Variants in SLC26A5 observed in about 807,000 individuals in gnomAD.
The protein encoded by SLC26A5 is solute carrier family 26 member 5, also known as prestin.
SLC26A5 carries 51 observed loss-of-function variants against 81.0 expected under a neutral mutation model. The ratio of observed to expected loss-of-function variants is 0.63; its 90% confidence interval spans 0.50 to 0.80. SLC26A5 has a LOEUF of 0.80. Ranked by LOEUF, SLC26A5 falls within the 30% of genes least tolerant of loss-of-function variation. The probability of loss-of-function intolerance (pLI) is 0.00; values close to 1 mark genes in which losing one functional copy is unlikely to be tolerated. For synonymous variants in SLC26A5, 325 were observed against 332.8 expected, an observed-to-expected ratio of 0.98 and a Z score of 0.25; for missense variants, 771 against 905.8, an observed-to-expected ratio of 0.85 and a Z score of 1.91.
chr7:103,434,156 G>A (rs1826280898), intron 2 of SLC26A5, among the ~76,000 whole-genome samples: 1 of 152,130 alleles, frequency 6.6e-6, no homozygotes, highest in Non-Finnish European at 1.5e-5. Flanking sequence ...AACTGCTTTA[G>A]AAAAGGTACT....
intron 14 of SLC26A5, among the ~76,000 whole-genome samples, chr7:103,382,651 C>T (rs964195324): frequency 6.6e-6 from 1 of 152,058 alleles, no homozygotes; most frequent in Admixed American, 6.6e-5. Flanking sequence ...ACTGTGCCTG[C>T]CCCTAATTCC....
chr7:103,420,343 C>T (rs560048975), intron 4 of SLC26A5, among the ~76,000 whole-genome samples: 20 of 147,124 alleles, frequency 1.4e-4, no homozygotes, highest in East Asian at 1.0e-3. Context: ...TCTCCCAGGC[C>T]GGAGTGAAGT....
chr7:103,392,813 A>G (rs1822773093), intron 10 of SLC26A5, 106 bp downstream of exon 10: 1 of 1,397,266 alleles, frequency 7.2e-7, no homozygotes, highest in South Asian at 1.2e-5. Flanking sequence ...TCCTGACCTC[A>G]TGATCCGCCT....
intron 4 of SLC26A5, among the ~76,000 whole-genome samples, chr7:103,417,953 G>T (rs1029620074): frequency 3.3e-5 from 5 of 152,144 alleles, no homozygotes; most frequent in African/African-American, 1.2e-4. Context: ...CACCATGTTG[G>T]TCAGTCTTGA....
rs772447046 is a variant in SLC26A5 at position 103,411,455 on chromosome 7, C to T, written c.535G>A (p.Ala179Thr). 8.7e-6 allele frequency: 14 copies of T among 1,614,120 alleles called. No homozygotes were observed. Among genetic ancestry groups the T allele is most frequent in the East Asian group, 2.2e-5 (1 of 44,882 alleles). ...CCTGAAAGTAAGGTCACAGACATGG[C>T]GACTTTCACTCTCAAGGCATCTCTG... The part of the protein sequence containing the change: ...EARDALRVKV[A>T]MSVTLLSGII... The change falls in exon 6 of 20, where the codon GCC becomes ACC. Residue 179 changes from alanine (A) to threonine (T), a missense_variant. By Grantham distance (58) the Ala-to-Thr change is moderately conservative (BLOSUM62 0). Coordinates refer to ENST00000306312, the MANE Select transcript of SLC26A5 (RefSeq NM_198999.3).
intron 19 of SLC26A5, chr7:103,362,384 G>C (rs1820462076): frequency 7.5e-7 from 1 of 1,336,514 alleles, no homozygotes; most frequent in Admixed American, 3.6e-5. Flanking sequence ...CTTGCTTTAG[G>C]ATAGTTGTGA....
At chr7:103,393,128 G>A in intron 9 of SLC26A5, 62 bp from the exon 10 acceptor site, 1 of 1,592,726 alleles carries the variant, frequency 6.3e-7, no homozygotes, top group Non-Finnish European at 8.6e-7. Context: ...AAAAAACCTT[G>A]CGACTGCAGG....
downstream of SLC26A5, among the ~76,000 whole-genome samples, chr7:103,372,321 C>T (rs1435186426): frequency 6.6e-6 from 1 of 152,178 alleles, no homozygotes; most frequent in Non-Finnish European, 1.5e-5. Flanking sequence ...TGCAAGTAGG[C>T]CATGCTAACA....
chr7:103,378,876 C>A (rs62482413), intron 16 of SLC26A5, among the ~76,000 whole-genome samples: 1 of 151,894 alleles, frequency 6.6e-6, no homozygotes, highest in Admixed American at 6.6e-5. Flanking sequence ...CTATATACAG[C>A]GTGGTGTAGG....
chr7:103,393,453 G>A (rs1283231033), intron 9 of SLC26A5, among the ~76,000 whole-genome samples: 3 of 152,110 alleles, frequency 2.0e-5, no homozygotes, highest in South Asian at 4.1e-4. Context: ...GGGGTGGGGA[G>A]GAGAGTAGTC....
chr7:103,374,283 G>A lies in SLC26A5; in HGVS notation c.*116C>T, dbSNP rs1821181120. On this transcript the variant is annotated 3_prime_UTR_variant, in exon 20 of 20. Coordinates refer to ENST00000306312, the MANE Select transcript of SLC26A5 (RefSeq NM_198999.3). ...AGGCGTCATTCACCCTCCAAATCAA[G>A]CCTGGACTACTAGTATTCACCCTTA... is the stretch of plus-strand genomic sequence containing the variant. 1.3e-6 allele frequency: 2 copies of A among 1,521,244 alleles called. No individual in the cohort carries two copies. The highest frequency in any genetic ancestry group is 2.5e-5 in the South Asian group (2 of 79,690). 94.2% of individuals were successfully genotyped at this position (1,521,244 alleles called of 1,614,324 possible).
chr7:103,379,480 G>T, intron 15 of SLC26A5, 145 bp from the exon 16 acceptor site: 4 of 252,322 alleles, frequency 1.6e-5, no homozygotes, highest in Non-Finnish European at 2.1e-5. Context: ...GTCACACACA[G>T]ACCAAAAAAA....
intron 2 of SLC26A5, among the ~76,000 whole-genome samples, chr7:103,441,534 A>G (rs944433455): frequency 6.6e-6 from 1 of 152,168 alleles, no homozygotes; most frequent in Non-Finnish European, 1.5e-5. Flanking sequence ...TGTGAGGATC[A>G]TTTTTTATCT....
intron 19 of SLC26A5, among the ~76,000 whole-genome samples, chr7:103,356,876 A>T (rs1360091594): frequency 2.0e-5 from 3 of 152,204 alleles, no homozygotes; most frequent in African/African-American, 7.2e-5. Flanking sequence ...TCCTCTGTTT[A>T]TAATCCTTTT....
At chr7:103,372,033 AC>A (rs1821074906), downstream of SLC26A5, among the ~76,000 whole-genome samples, 1 of 152,178 alleles carries the variant, frequency 6.6e-6, no homozygotes, top group Non-Finnish European at 1.5e-5. Flanking sequence ...CTTAAATTCT[AC>A]TTAAATGGCT....
intron 19 of SLC26A5, 112 bp from the exon 20 acceptor site, chr7:103,374,704 T>TA: frequency 1.8e-6 from 2 of 1,113,436 alleles, no homozygotes; most frequent in Non-Finnish European, 2.5e-6. Flanking sequence ...GTTTTTTGTT[T>TA]CTTTTTTTTT....
At chr7:103,412,555 T>TTG (rs1824579247) in intron 5 of SLC26A5, among the ~76,000 whole-genome samples, 1 of 147,174 alleles carries the variant, frequency 6.8e-6, no homozygotes, top group Non-Finnish European at 1.5e-5. Flanking sequence ...TTTTTTTTGT[T>TTG]TTTTTTTTTT....
At chr7:103,421,674 G>C in intron 2 of SLC26A5, 107 bp from the exon 3 acceptor site, 1 of 732,028 alleles carries the variant, frequency 1.4e-6, no homozygotes, top group African/African-American at 1.8e-5. Context: ...GGCTTTCTTT[G>C]GACGCCCCAG....
At chr7:103,417,662 C>T (rs1435375731) in intron 4 of SLC26A5, among the ~76,000 whole-genome samples, 1 of 152,154 alleles carries the variant, frequency 6.6e-6, no homozygotes, top group East Asian at 1.9e-4. Flanking sequence ...ATATTAAATA[C>T]AAACATGAAA....
Sources: gnomAD v4.1 joint callset for allele counts (sites outside exome capture counted in the v4.1 genomes callset) on GRCh38, gnomAD v4.1.1 for gene constraint, MANE v1.5 for transcripts, NCBI Gene and HGNC (gene_info 2026-07-23, HGNC 2026-07-21) for gene names.